ARF6: variants seen among roughly 807,000 people sequenced by gnomAD.
ARF6 encodes the protein ADP-ribosylation factor 6.
For synonymous variants in ARF6, 127 were observed against 95.5 expected, an observed-to-expected ratio of 1.33 and a Z score of -1.92; for missense variants, 75 against 232.0, an observed-to-expected ratio of 0.32 and a Z score of 4.40.
In ARF6 at chr14:49,895,395, A is replaced by G. The variant is rs1428348001; in HGVS notation, c.*1131A>G. On this transcript the variant is annotated 3_prime_UTR_variant, in exon 2 of 2. Coordinates refer to ENST00000298316, the MANE Select transcript of ARF6 (RefSeq NM_001663.4). Reference sequence around the variant, plus strand: ...AAATACACATTCCTGTTTTCACATTATAGCAACTGATTAAGCTGAAGCTGT... The same window carrying G: ...AAATACACATTCCTGTTTTCACATTGTAGCAACTGATTAAGCTGAAGCTGT... 1 of 167,132 alleles carries G rather than the reference A, an allele frequency of 6.0e-6. No homozygotes were observed. The highest frequency in any genetic ancestry group is 6.5e-5 in the Admixed American group (1 of 15,288). The allele number at this position is 167,132 out of a possible 1,614,324, so 10.4% of individuals were successfully genotyped here. A position where few individuals can be genotyped will look rare whatever the true frequency, so the allele number is the denominator to read the frequency against.
chr14:49,893,509 C>G lies in ARF6; in HGVS notation c.-228C>G, dbSNP rs552741821. ...GCAGGGCGGCGGCTCCCAGCGCAGTCTCAGGGCCCGGGTGGCGGCGGCGAC... is the reference window on the plus strand; with the variant it reads ...GCAGGGCGGCGGCTCCCAGCGCAGTGTCAGGGCCCGGGTGGCGGCGGCGAC... On this transcript the variant is annotated 5_prime_UTR_variant, in exon 2 of 2. Transcript: ENST00000298316. The G allele has an allele frequency of 3.6e-6, 2 of 553,590 alleles. No individual in the cohort carries two copies. The highest frequency in any genetic ancestry group is 2.3e-5 in the South Asian group (1 of 43,854). The allele number at this position is 553,590 out of a possible 1,614,324, so 34.3% of individuals were successfully genotyped here.
chr14:49,893,714 C>T lies in ARF6; in HGVS notation c.-23C>T. ...GGGGACCCGGGACACCTGAATGCCCCCGGCCCCGGCTCCTCCGACGCGATG... is the reference window on the plus strand; with the variant it reads ...GGGGACCCGGGACACCTGAATGCCCTCGGCCCCGGCTCCTCCGACGCGATG... On this transcript the variant is annotated 5_prime_UTR_variant, in exon 2 of 2. Coordinates refer to ENST00000298316, the MANE Select transcript of ARF6 (RefSeq NM_001663.4). 6.2e-7 allele frequency: 1 copy of T among 1,602,898 alleles called. No homozygotes were observed. The highest frequency in any genetic ancestry group is 8.5e-7 in the Non-Finnish European group (1 of 1,171,380).
rs779804891 is a variant in ARF6, at chr14:49,893,751, A to G, written c.15A>G (p.Leu5=). The stretch of plus-strand genomic sequence containing the variant: ...CCTCCGACGCGATGGGGAAGGTGCT[A>G]TCCAAAATCTTCGGGAACAAGGAAA... MGKV[L]SKIFGNKEMR... is the part of the protein sequence containing the mutation. Residue 5 remains leucine (L), a synonymous_variant, in exon 2 of 2, where the codon CTA becomes CTG. Transcript: ENST00000298316. The G allele has an allele frequency of 1.5e-5, 25 of 1,613,792 alleles. No homozygotes were observed. The South Asian group carries it at 2.3e-4, about 15-fold the overall frequency.
chr14:49,893,474 C>T lies in ARF6; in HGVS notation c.-263C>T, dbSNP rs1894476644. The stretch of plus-strand genomic sequence containing the variant: ...GGGGGAAGGGCAGTTCCGGGCCGGG[C>T]CGCGCCTCAGCAGGGCGGCGGCTCC... On this transcript the variant is annotated 5_prime_UTR_variant, in exon 2 of 2. Coordinates refer to ENST00000298316, the MANE Select transcript of ARF6 (RefSeq NM_001663.4). 5.2e-6 allele frequency: 2 copies of T among 386,010 alleles called. No homozygotes were observed. Among genetic ancestry groups the T allele is most frequent in the Non-Finnish European group, 9.3e-6 (2 of 215,732 alleles). The allele number at this position is 386,010 out of a possible 1,614,324, so 23.9% of individuals were successfully genotyped here. A position where few individuals can be genotyped will look rare whatever the true frequency, so the allele number is the denominator to read the frequency against.
In ARF6 at chr14:49,896,964, C is replaced by T. The variant is rs563503027; in HGVS notation, c.*2700C>T. The T allele has an allele frequency of 1.7e-4, 29 of 167,120 alleles. No homozygotes were observed. The highest frequency in any genetic ancestry group is 6.7e-4 in the African/African-American group (28 of 41,556). 10.4% of individuals were successfully genotyped at this position (167,120 alleles called of 1,614,324 possible). ...GTCTGTAGACTGTGATCTCCCCAAA[C>T]TAAAAAGTACAGTACTTGGAATTGT... On this transcript the variant is annotated 3_prime_UTR_variant, in exon 2 of 2. Transcript: ENST00000298316.
In ARF6 at chr14:49,893,454, A is replaced by C; in HGVS notation, c.-283A>C. Reference sequence around the variant, plus strand: ...GCGCTCGCGCGGCGCCTGCGGGGGGAAGGGCAGTTCCGGGCCGGGCCGCGC... The same window carrying C: ...GCGCTCGCGCGGCGCCTGCGGGGGGCAGGGCAGTTCCGGGCCGGGCCGCGC... On this transcript the variant is annotated 5_prime_UTR_variant, in exon 2 of 2. Coordinates refer to ENST00000298316, the MANE Select transcript of ARF6 (RefSeq NM_001663.4). 2 of 276,444 alleles carry C rather than the reference A, an allele frequency of 7.2e-6. No individual in the cohort carries two copies. Among genetic ancestry groups the C allele is most frequent in the Non-Finnish European group, 1.3e-5 (2 of 150,262 alleles). 17.1% of individuals were successfully genotyped at this position (276,444 alleles called of 1,614,324 possible).
In ARF6 at chr14:49,895,045, T is replaced by G. The variant is rs1461920486; in HGVS notation, c.*781T>G. ...CAAGTTCCCCATAACGTAGATAACT[T>G]AATGCTGCATAAAAATATGAAAGTG... is the stretch of plus-strand genomic sequence containing the variant. On this transcript the variant is annotated 3_prime_UTR_variant, in exon 2 of 2. Coordinates refer to ENST00000298316, the MANE Select transcript of ARF6 (RefSeq NM_001663.4). 3.0e-5 allele frequency: 5 copies of G among 167,030 alleles called. No individual in the cohort carries two copies. The highest frequency in any genetic ancestry group is 5.9e-5 in the Non-Finnish European group (4 of 68,120). 10.3% of individuals were successfully genotyped at this position (167,030 alleles called of 1,614,324 possible). A position where few individuals can be genotyped will look rare whatever the true frequency, so the allele number is the denominator to read the frequency against.
rs1474326070 is a variant in ARF6, at chr14:49,896,368, G to A, written c.*2104G>A. The A allele has an allele frequency of 1.2e-5, 2 of 166,924 alleles. No individual in the cohort carries two copies. Among genetic ancestry groups the A allele is most frequent in the Non-Finnish European group, 2.9e-5 (2 of 68,078 alleles). The allele number at this position is 166,924 out of a possible 1,614,324, so 10.3% of individuals were successfully genotyped here. On this transcript the variant is annotated 3_prime_UTR_variant, in exon 2 of 2. Transcript: ENST00000298316. ...ATTGCATTTTAAAGTATATAAATAT[G>A]GGTTATCCAATATCAATGCTATAGT...
chr14:49,894,453 C>CT lies in ARF6; in HGVS notation c.*211dup, dbSNP rs35848359. 1,730 of 244,982 alleles carry CT rather than the reference C, an allele frequency of 7.1e-3. 6 individuals carry two copies. The highest frequency in any genetic ancestry group is 0.013 in the African/African-American group (375 of 28,434). The allele number at this position is 244,982 out of a possible 1,614,324, so 15.2% of individuals were successfully genotyped here. A position where few individuals can be genotyped will look rare whatever the true frequency, so the allele number is the denominator to read the frequency against. ...TTTTGTTTGTTTCCCTTTCTTTTTC[C>CT]TTTTTTTTTTTTTTTTTTTTTTGTT... On this transcript the variant is annotated 3_prime_UTR_variant, in exon 2 of 2. Coordinates refer to ENST00000298316, the MANE Select transcript of ARF6 (RefSeq NM_001663.4).
At position 49,893,726 on chromosome 14, in the gene ARF6, C is replaced by G; in HGVS notation, c.-11C>G. ...CACCTGAATGCCCCCGGCCCCGGCT[C>G]CTCCGACGCGATGGGGAAGGTGCTA... On this transcript the variant is annotated 5_prime_UTR_variant, in exon 2 of 2. Coordinates refer to ENST00000298316, the MANE Select transcript of ARF6 (RefSeq NM_001663.4). The G allele has an allele frequency of 6.2e-7, 1 of 1,606,842 alleles. No homozygotes were observed. Among genetic ancestry groups the G allele is most frequent in the Non-Finnish European group, 8.5e-7 (1 of 1,173,914 alleles).
rs1257728389 is a variant in ARF6 at position 49,895,221 on chromosome 14, A to G, written c.*957A>G. The G allele has an allele frequency of 6.0e-6, 1 of 166,920 alleles. No individual in the cohort carries two copies. Among genetic ancestry groups the G allele is most frequent in the African/African-American group, 2.4e-5 (1 of 41,460 alleles). The allele number at this position is 166,920 out of a possible 1,614,324, so 10.3% of individuals were successfully genotyped here. On this transcript the variant is annotated 3_prime_UTR_variant, in exon 2 of 2. Transcript: ENST00000298316. ...GATTAAATAATTTGTAGATATTTTA[A>G]GTGACTTTTGGGCAAAACTGGAATG...
rs539420370 is a variant in ARF6 at position 49,896,215 on chromosome 14, G to A, written c.*1951G>A. On this transcript the variant is annotated 3_prime_UTR_variant, in exon 2 of 2. Transcript: ENST00000298316. ...TGATTTCAGGATACAACTAAAGTAC[G>A]AAGTTCTCAGTTTCACTTTAGTAGA... 6.0e-6 allele frequency: 1 copy of A among 166,820 alleles called. No homozygotes were observed. The highest frequency in any genetic ancestry group is 1.5e-5 in the Non-Finnish European group (1 of 68,086). 10.3% of individuals were successfully genotyped at this position (166,820 alleles called of 1,614,324 possible).
Position 49,893,835 on chromosome 14 carries a change from G to A in ARF6, c.99G>A (p.Leu33=), listed in dbSNP as rs931995974. 1 of 1,614,252 alleles carries A rather than the reference G, an allele frequency of 6.2e-7. No homozygotes were observed. The highest frequency in any genetic ancestry group is 1.7e-5 in the Admixed American group (1 of 60,030). Residue 33 remains leucine (L), a synonymous_variant, in exon 2 of 2, where the codon TTG becomes TTA. Transcript: ENST00000298316. ...GCAAGACAACAATCCTGTACAAGTT[G>A]AAGCTGGGCCAGTCGGTGACCACCA... ...AAGKTTILYK[L]KLGQSVTTIP...
At position 49,893,119 on chromosome 14, in the gene ARF6, GAGGC is replaced by G. The variant is rs1242749583; in HGVS notation, c.-519_-516del. The G allele has an allele frequency of 6.5e-6, 1 of 153,198 alleles. No individual in the cohort carries two copies. Among genetic ancestry groups the G allele is most frequent in the East Asian group, 1.9e-4 (1 of 5,216 alleles). 9.5% of individuals were successfully genotyped at this position (153,198 alleles called of 1,614,324 possible). On this transcript the variant is annotated 5_prime_UTR_variant, in exon 1 of 2. Transcript: ENST00000298316. ...GCGGCAGAACTGGGAGGAGGAGTTGGAGGCCGGAGGGAGCCCGCGCTCGGGGCGG... is the reference window on the plus strand; with the variant it reads ...GCGGCAGAACTGGGAGGAGGAGTTGGCGGAGGGAGCCCGCGCTCGGGGCGG...
chr14:49,893,521 G>C lies in ARF6; in HGVS notation c.-216G>C. ...CTCCCAGCGCAGTCTCAGGGCCCGG[G>C]TGGCGGCGGCGACTGGAGAAATCAA... On this transcript the variant is annotated 5_prime_UTR_variant, in exon 2 of 2. Transcript: ENST00000298316. 1.7e-6 allele frequency: 1 copy of C among 583,006 alleles called. No individual in the cohort carries two copies. Among genetic ancestry groups the C allele is most frequent in the Non-Finnish European group, 3.0e-6 (1 of 336,140 alleles). The allele number at this position is 583,006 out of a possible 1,614,324, so 36.1% of individuals were successfully genotyped here. A position where few individuals can be genotyped will look rare whatever the true frequency, so the allele number is the denominator to read the frequency against.
chr14:49,894,377 C>G lies in ARF6; in HGVS notation c.*113C>G. On this transcript the variant is annotated 3_prime_UTR_variant, in exon 2 of 2. Transcript: ENST00000298316. Reference sequence around the variant, plus strand: ...CTTTCTCTTCTTTTGAATTTGAACTCTGGAGTTACTGTTCTACAGTTTGGC... The same window carrying G: ...CTTTCTCTTCTTTTGAATTTGAACTGTGGAGTTACTGTTCTACAGTTTGGC... 8.8e-7 allele frequency: 1 copy of G among 1,138,888 alleles called. No individual in the cohort carries two copies. Among genetic ancestry groups the G allele is most frequent in the Non-Finnish European group, 1.2e-6 (1 of 814,640 alleles). The allele number at this position is 1,138,888 out of a possible 1,614,324, so 70.5% of individuals were successfully genotyped here. A position where few individuals can be genotyped will look rare whatever the true frequency, so the allele number is the denominator to read the frequency against.
rs994270347 is a variant in ARF6, at chr14:49,896,245, G to C, written c.*1981G>C. Reference sequence around the variant, plus strand: ...TCTCAGTTTCACTTTAGTAGAAAGAGCTCTAGAAATGAGGCTGATAAACAC... The same window carrying C: ...TCTCAGTTTCACTTTAGTAGAAAGACCTCTAGAAATGAGGCTGATAAACAC... On this transcript the variant is annotated 3_prime_UTR_variant, in exon 2 of 2. Transcript: ENST00000298316. The C allele has an allele frequency of 3.3e-4, 55 of 166,966 alleles. No homozygotes were observed. In the Admixed American group the frequency reaches 3.5e-3, roughly 11 times the overall value. 10.3% of individuals were successfully genotyped at this position (166,966 alleles called of 1,614,324 possible).
In ARF6 at chr14:49,896,043, A is replaced by G. The variant is rs548383619; in HGVS notation, c.*1779A>G. 7 of 166,220 alleles carry G rather than the reference A, an allele frequency of 4.2e-5. No homozygotes were observed. The highest frequency in any genetic ancestry group is 3.9e-4 in the Admixed American group (6 of 15,300). The allele number at this position is 166,220 out of a possible 1,614,324, so 10.3% of individuals were successfully genotyped here. A position where few individuals can be genotyped will look rare whatever the true frequency, so the allele number is the denominator to read the frequency against. Reference sequence around the variant, plus strand: ...CCTTCACACTTTGGCCATATTGTATAATGGAGCTTTTACCAAAGATGTATG... The same window carrying G: ...CCTTCACACTTTGGCCATATTGTATGATGGAGCTTTTACCAAAGATGTATG... On this transcript the variant is annotated 3_prime_UTR_variant, in exon 2 of 2. Coordinates refer to ENST00000298316, the MANE Select transcript of ARF6 (RefSeq NM_001663.4).
Position 49,893,633 on chromosome 14 carries a change from C to A in ARF6, c.-104C>A. On this transcript the variant is annotated 5_prime_UTR_variant, in exon 2 of 2. Coordinates refer to ENST00000298316, the MANE Select transcript of ARF6 (RefSeq NM_001663.4). ...CTCCCACGCAGGCCGCAAAGGCGCT[C>A]TCGCGGCCGAGAGGCTTCGTTTCGG... The A allele has an allele frequency of 6.9e-7, 1 of 1,459,488 alleles. No homozygotes were observed. Among genetic ancestry groups the A allele is most frequent in the Non-Finnish European group, 9.3e-7 (1 of 1,072,904 alleles). The allele number at this position is 1,459,488 out of a possible 1,614,324, so 90.4% of individuals were successfully genotyped here.
Sources: gnomAD v4.1 joint callset for allele counts on GRCh38, gnomAD v4.1.1 for gene constraint, MANE v1.5 for transcripts, NCBI Gene and HGNC (gene_info 2026-07-23, HGNC 2026-07-21) for gene names.